SERPINB8: variants seen among roughly 807,000 people sequenced by gnomAD.
SERPINB8 encodes serpin family B member 8.
Under a neutral mutation model 35.3 loss-of-function variants are expected in SERPINB8, and 25 were observed. The ratio of observed to expected loss-of-function variants is 0.71; its 90% CI spans 0.52 to 0.99. The LOEUF (loss-of-function observed/expected upper bound fraction) is 0.99. Among genes scored for constraint, SERPINB8 ranks in the 50% least tolerant of loss-of-function variants. The pLI, the probability that SERPINB8 is intolerant of heterozygous loss-of-function variation, is 0.00. For synonymous variants in SERPINB8, 186 were observed against 160.8 expected, an observed-to-expected ratio of 1.16 and a Z score of -1.19; for missense variants, 484 against 446.5, an observed-to-expected ratio of 1.08 and a Z score of -0.76.
At chr18:64,018,184 G>A (rs4941237) in intron 7 of SERPINB8, among the ~76,000 whole-genome samples, 93,408 of 152,038 alleles carry the variant, frequency 0.61, 28,846 homozygotes, top group East Asian at 0.69. Flanking sequence ...TCAGAATTCA[G>A]CTAACATTCT....
rs2050672841 is a variant in SERPINB8, at chr18:63,981,650, A to T, written c.307-71A>T. The T allele has an allele frequency of 9.5e-6, 10 of 1,057,752 alleles. No individual in the cohort carries two copies. The South Asian group carries it at 1.4e-4, about 15-fold the overall frequency. 65.5% of individuals were successfully genotyped at this position (1,057,752 alleles called of 1,614,324 possible). ...ACTTATTGTAGAAATGCAGTAAGAG[A>T]AAACAAAATGCTTTTGCATTTGTGG... On this transcript the variant is annotated intron_variant, in intron 3 of 6. Transcript: ENST00000397985.
chr18:64,008,408 ATT>A (rs538505270), downstream of SERPINB8, among the ~76,000 whole-genome samples: 1 of 145,410 alleles, frequency 6.9e-6, no homozygotes. Context: ...ACGCGGGCTA[ATT>A]TTTTTTTTTT....
intron 7 of SERPINB8, among the ~76,000 whole-genome samples, chr18:64,013,694 T>C (rs1337798154): frequency 6.6e-6 from 1 of 152,170 alleles, no homozygotes; most frequent in African/African-American, 2.4e-5. Context: ...CATATTTAGA[T>C]TGGCAGTGAG....
At chr18:64,000,307 G>C (rs2050868214) in intron 1 of SERPINB8, among the ~76,000 whole-genome samples, 1 of 152,126 alleles carries the variant, frequency 6.6e-6, no homozygotes, top group Admixed American at 6.5e-5. Context: ...CTAATTACCG[G>C]GTTATTGTCA....
At chr18:64,017,403 T>C (rs2050955533) in intron 7 of SERPINB8, among the ~76,000 whole-genome samples, 1 of 152,214 alleles carries the variant, frequency 6.6e-6, no homozygotes, top group South Asian at 2.1e-4. Flanking sequence ...AATTTTATTG[T>C]ATTCCATCAA....
chr18:64,008,759 A>G (rs1172630995), downstream of SERPINB8, among the ~76,000 whole-genome samples: 1 of 152,230 alleles, frequency 6.6e-6, no homozygotes, highest in Non-Finnish European at 1.5e-5. Flanking sequence ...CAATTTGAGC[A>G]TAGCAGATGC....
At chr18:64,001,203 C>G (rs552888278) in intron 1 of SERPINB8, among the ~76,000 whole-genome samples, 1 of 152,170 alleles carries the variant, frequency 6.6e-6, no homozygotes, top group African/African-American at 2.4e-5. Flanking sequence ...TTTAACCAGT[C>G]TGACAATCTC....
chr18:63,991,677 T>C (rs1183685214), downstream of SERPINB8, among the ~76,000 whole-genome samples: 1 of 152,122 alleles, frequency 6.6e-6, no homozygotes, highest in Non-Finnish European at 1.5e-5. Context: ...TAGCTTTTTT[T>C]TTTTCTTTGC....
Position 63,989,334 on chromosome 18 carries a change from T to C in SERPINB8, c.*2056T>C, listed in dbSNP as rs972395880. On this transcript the variant is annotated 3_prime_UTR_variant, in exon 7 of 7. Transcript: ENST00000397985. ...ACATTTACGTTGTTACCAAGATTTT[T>C]GCTATTGAAAATAAAGTTTTTATGA... is the stretch of plus-strand genomic sequence containing the variant. 5.9e-5 allele frequency: 9 copies of C among 152,244 alleles called. No individual in the cohort carries two copies. The highest frequency in any genetic ancestry group is 1.9e-4 in the African/African-American group (8 of 41,466). 9.4% of individuals were successfully genotyped at this position (152,244 alleles called of 1,614,324 possible).
chr18:63,985,200 G>A lies in SERPINB8; in HGVS notation c.675G>A (p.Leu225=). 4 of 1,614,232 alleles carry A rather than the reference G, an allele frequency of 2.5e-6. No homozygotes were observed. The highest frequency in any genetic ancestry group is 2.5e-6 in the Non-Finnish European group (3 of 1,180,042). ...AGCTGCCCTATGTGGAAGAGGAGCT[G>A]AGCATGGTCATTCTGCTTCCCGATG... ...VLELPYVEEE[L]SMVILLPDDN... is the part of the protein sequence containing the mutation. Residue 225 remains leucine, a synonymous_variant, in exon 6 of 7, where the codon CTG becomes CTA. Coordinates refer to ENST00000397985, the MANE Select transcript of SERPINB8 (RefSeq NM_002640.4).
In SERPINB8 at chr18:64,000,634, C is replaced by T. The variant is rs77476941; in HGVS notation, c.71-4185C>T. The stretch of plus-strand genomic sequence containing the variant: ...TCTGGCCCCTCCATTCAGAGGCCTC[C>T]TTATGGGGCAGGGGCTCTGTTGGGA... On this transcript the variant is annotated intron_variant, in intron 1 of 1. Transcript: ENST00000493661. 5.5e-3 allele frequency among the ~76,000 whole-genome samples: 845 copies of T among 152,262 alleles called. 3 individuals are homozygous for T. The highest frequency in any genetic ancestry group is 0.019 in the African/African-American group (806 of 41,542).
chr18:63,977,128 AT>A (rs2050594641), intron 1 of SERPINB8, among the ~76,000 whole-genome samples: 1 of 152,052 alleles, frequency 6.6e-6, no homozygotes, highest in Admixed American at 6.5e-5. Context: ...CAATAGGGGG[AT>A]TTTGTGTAAT....
downstream of SERPINB8, among the ~76,000 whole-genome samples, chr18:63,990,071 GTTTT>G (rs747683579): frequency 5.2e-4 from 60 of 116,112 alleles, no homozygotes; most frequent in African/African-American, 1.9e-3. Flanking sequence ...TTGTTTTCGT[GTTTT>G]TTTTTTTTTT....
intron 7 of SERPINB8, among the ~76,000 whole-genome samples, chr18:64,018,283 G>A (rs925595588): frequency 1.3e-5 from 2 of 152,082 alleles, no homozygotes; most frequent in Non-Finnish European, 2.9e-5. Flanking sequence ...CAAATCTTCT[G>A]TAATTAAAAA....
rs775508907 is a variant in SERPINB8 at position 63,987,280 on chromosome 18, G to T, written c.*2G>T. On this transcript the variant is annotated 3_prime_UTR_variant, in exon 7 of 7. Coordinates refer to ENST00000397985, the MANE Select transcript of SERPINB8 (RefSeq NM_002640.4). ...TGTGGCAGGTTCTCTTCTCCGTAAAGAGGAGCAATTGCTGTACATACCCTC... is the reference window on the plus strand; with the variant it reads ...TGTGGCAGGTTCTCTTCTCCGTAAATAGGAGCAATTGCTGTACATACCCTC... 4.4e-6 allele frequency: 7 copies of T among 1,608,290 alleles called. No homozygotes were observed. In the African/African-American group the frequency reaches 9.4e-5, roughly 22 times the overall value.
At chr18:63,986,823 T>C (rs113258095) in intron 6 of SERPINB8, 51 bp from the exon 7 acceptor site, 3 of 1,513,912 alleles carry the variant, frequency 2.0e-6, no homozygotes, top group Admixed American at 4.0e-5. Flanking sequence ...GGTGTGTGGG[T>C]ATCAGGCTAT....
Position 63,979,888 on chromosome 18 carries a change from C to G in SERPINB8, c.256C>G (p.Leu86Val). The G allele has an allele frequency of 6.2e-7, 1 of 1,614,074 alleles. No homozygotes were observed. Among genetic ancestry groups the G allele is most frequent in the African/African-American group, 1.3e-5 (1 of 75,042 alleles). The change falls in exon 3 of 7, where the codon CTT becomes GTT. Residue 86 changes from leucine (L) to valine (V), a missense_variant. Physicochemically the swap from Leu to Val is conservative, Grantham distance 32. Transcript: ENST00000397985. ...EVNRTGTQYL[L>V]RTANRLFGEK... is the part of the protein sequence containing the mutation. ...TAACAGAACTGGCACTCAGTACTTG[C>G]TTAGAACTGCCAACAGACTCTTTGG... is the stretch of plus-strand genomic sequence containing the variant.
Position 63,983,614 on chromosome 18 carries a change from G to GA in SERPINB8, c.461dup (p.Asp154GlufsTer20), listed in dbSNP as rs777553620. Reference sequence around the variant, plus strand: ...AGAGGTACTGGATGCTGGGACAGTCGATCCCCTGACAAAGCTGGTCCTTGT... The same window carrying GA: ...AGAGGTACTGGATGCTGGGACAGTCGAATCCCCTGACAAAGCTGGTCCTTGT... On this transcript the variant is annotated frameshift_variant, in exon 5 of 7. Transcript: ENST00000397985. LOFTEE classifies it high-confidence loss of function. The GA allele has an allele frequency of 3.7e-6, 6 of 1,613,712 alleles. No individual in the cohort carries two copies. The South Asian group carries it at 6.6e-5, about 18-fold the overall frequency.
intron 7 of SERPINB8, among the ~76,000 whole-genome samples, chr18:64,015,181 C>T (rs1294650635): frequency 6.6e-6 from 1 of 152,086 alleles, no homozygotes; most frequent in Non-Finnish European, 1.5e-5. Context: ...CATCGGCCTG[C>T]CCAGTTGTGG....
Sources: allele counts gnomAD v4.1 joint callset (sites outside exome capture counted in the v4.1 genomes callset), GRCh38; gene constraint gnomAD v4.1.1; transcripts MANE v1.5; gene names NCBI Gene and HGNC (gene_info 2026-07-23, HGNC 2026-07-21).